KMT2C: variants seen among roughly 807,000 people sequenced by gnomAD.
KMT2C encodes the protein histone-lysine N-methyltransferase 2C.
KMT2C carries 88 observed loss-of-function variants against 507.9 expected under a neutral mutation model. That is an observed-to-expected ratio of 0.17 (90% CI 0.15 to 0.21). The LOEUF (loss-of-function observed/expected upper bound fraction) is 0.21, where lower values mean the gene tolerates loss of function less well. Among genes scored for constraint, KMT2C ranks in the 10% least tolerant of loss-of-function variants. The pLI is 1.00. For missense variants in KMT2C, 4,954 were observed against 5,957.8 expected, an observed-to-expected ratio of 0.83 and a Z score of 5.55; for synonymous variants, 2,049 against 2,080.8, an observed-to-expected ratio of 0.98 and a Z score of 0.42.
intron 5 of KMT2C, among the ~76,000 whole-genome samples, chr7:152,310,924 G>A (rs1195575515): frequency 6.6e-6 from 1 of 151,844 alleles, no homozygotes; most frequent in Non-Finnish European, 1.5e-5. Flanking sequence ...GAGTTCAAGC[G>A]ATCCACCTAC....
At chr7:152,323,622 G>C (rs1249853127) in intron 3 of KMT2C, among the ~76,000 whole-genome samples, 2 of 145,086 alleles carry the variant, frequency 1.4e-5, no homozygotes, top group African/African-American at 5.1e-5. Flanking sequence ...CTGGGCAACA[G>C]AGTGACACCC....
rs764492581 is a variant in KMT2C at position 152,177,832 on chromosome 7, A to C, written c.7621T>G (p.Phe2541Val). 8.7e-6 allele frequency: 14 copies of C among 1,613,716 alleles called. No individual in the cohort carries two copies. The highest frequency in any genetic ancestry group is 1.7e-5 in the Admixed American group (1 of 59,970). The change falls in exon 38 of 59, where the codon TTT becomes GTT. Residue 2541 changes from phenylalanine to valine, a missense_variant. Phe to Val is a conservative substitution (Grantham distance 50, BLOSUM62 -1). Transcript: ENST00000262189. ...TGAACTGGCAAGCTCTGTGGTGAAA[A>C]ATGCTGAGGAAGTCCAACTGGATTA... ...MNNPVGLPQH[F>V]SPQSLPVQQH...
chr7:152,342,645 T>C (rs1314835584), intron 2 of KMT2C, among the ~76,000 whole-genome samples: 3 of 152,154 alleles, frequency 2.0e-5, no homozygotes, highest in Non-Finnish European at 2.9e-5. Context: ...GACAAAACGT[T>C]GGAGGTTCAG....
intron 42 of KMT2C, among the ~76,000 whole-genome samples, chr7:152,164,157 A>T (rs1443644579): frequency 1.3e-5 from 2 of 152,204 alleles, no homozygotes; most frequent in Non-Finnish European, 2.9e-5. Flanking sequence ...AATATACAAT[A>T]AAAAAGGTTA....
At chr7:152,396,651 A>G (rs1049478426) in intron 1 of KMT2C, among the ~76,000 whole-genome samples, 1 of 152,232 alleles carries the variant, frequency 6.6e-6, no homozygotes, top group African/African-American at 2.4e-5. Context: ...TTCTAGGAAC[A>G]AAGTGCCAAA....
At chr7:152,417,754 G>A (rs1046885220) in intron 1 of KMT2C, among the ~76,000 whole-genome samples, 1 of 150,850 alleles carries the variant, frequency 6.6e-6, no homozygotes. Context: ...CCATCCTCCT[G>A]CTTCAACCTC....
intron 1 of KMT2C, among the ~76,000 whole-genome samples, chr7:152,365,635 C>T (rs759802841): frequency 2.0e-5 from 3 of 152,230 alleles, no homozygotes; most frequent in Non-Finnish European, 4.4e-5. Flanking sequence ...ATCCTCCCAC[C>T]TTGGCTTCCC....
chr7:152,369,482 A>G (rs1185594401), intron 1 of KMT2C, among the ~76,000 whole-genome samples: 4 of 152,164 alleles, frequency 2.6e-5, no homozygotes, highest in Non-Finnish European at 5.9e-5. Context: ...AAAAATGACT[A>G]CTATGGTTTG....
At chr7:152,147,575 C>T (rs922763964) in intron 52 of KMT2C, among the ~76,000 whole-genome samples, 5 of 151,682 alleles carry the variant, frequency 3.3e-5, no homozygotes, top group African/African-American at 9.7e-5. Context: ...GGCATGGTAG[C>T]GCAAGCCTGT....
At chr7:152,368,609 A>T in intron 1 of KMT2C, 6 of 1,438,758 alleles carry the variant, frequency 4.2e-6, no homozygotes, top group Non-Finnish European at 4.8e-6. Flanking sequence ...ATTTTAGAAC[A>T]GAACTCTTCG....
At chr7:152,432,543 C>T (rs537598502) in intron 1 of KMT2C, among the ~76,000 whole-genome samples, 35 of 152,324 alleles carry the variant, frequency 2.3e-4, no homozygotes, top group African/African-American at 8.4e-4. Flanking sequence ...CACTGTGCCA[C>T]TTGACATTTG....
At chr7:152,192,679 TA>T (rs1316493475) in intron 31 of KMT2C, among the ~76,000 whole-genome samples, 2 of 152,212 alleles carry the variant, frequency 1.3e-5, no homozygotes, top group African/African-American at 2.4e-5. Context: ...GCTAAACTGG[TA>T]AAAACACAAA....
intron 3 of KMT2C, 42 bp from the exon 4 acceptor site, chr7:152,315,380 C>T (rs2096712789): frequency 2.2e-6 from 3 of 1,374,368 alleles, no homozygotes; most frequent in East Asian, 4.6e-5. Flanking sequence ...AGAAAAGTAG[C>T]TTTATTCAAC....
chr7:152,346,943 CG>C (rs1200835898), intron 2 of KMT2C, among the ~76,000 whole-genome samples: 2 of 152,138 alleles, frequency 1.3e-5, no homozygotes, highest in East Asian at 1.9e-4. Context: ...CTGGCTAACA[CG>C]GTGAAACCCC....
chr7:152,361,142 G>C (rs1000598233), intron 1 of KMT2C, among the ~76,000 whole-genome samples: 2 of 152,084 alleles, frequency 1.3e-5, no homozygotes, highest in African/African-American at 4.8e-5. Context: ...GGGAAAGAAG[G>C]CAGAACTAAA....
chr7:152,406,335 A>T (rs1293531742), intron 1 of KMT2C, among the ~76,000 whole-genome samples: 7 of 151,186 alleles, frequency 4.6e-5, no homozygotes, highest in Non-Finnish European at 4.5e-5. Context: ...AGTCCCAGCT[A>T]CTTGGGAGGC....
At chr7:152,249,318 TG>T (rs1449157108) in intron 13 of KMT2C, among the ~76,000 whole-genome samples, 11 of 113,648 alleles carry the variant, frequency 9.7e-5, no homozygotes, top group Admixed American at 4.8e-4. Context: ...AAAATTTATC[TG>T]GTTTTTTTTT....
At chr7:152,389,921 A>G (rs2097476662) in intron 1 of KMT2C, among the ~76,000 whole-genome samples, 1 of 152,206 alleles carries the variant, frequency 6.6e-6, no homozygotes, top group East Asian at 1.9e-4. Context: ...TGGAGGCTAC[A>G]CTCTTTTTCA....
chr7:152,288,682 A>C (rs2096352070), intron 6 of KMT2C, among the ~76,000 whole-genome samples: 1 of 152,204 alleles, frequency 6.6e-6, no homozygotes, highest in South Asian at 2.1e-4. Context: ...CCACAGATTC[A>C]AGAAATTGAA....
Sources: gnomAD v4.1 joint callset for allele counts (sites outside exome capture counted in the v4.1 genomes callset) on GRCh38, gnomAD v4.1.1 for gene constraint, MANE v1.5 for transcripts, NCBI Gene and HGNC (gene_info 2026-07-23, HGNC 2026-07-21) for gene names.